The following UGGT2 variants were observed in gnomAD, a reference collection of about 807,000 sequenced individuals.
The protein encoded by UGGT2 is UDP-glucose:glycoprotein glucosyltransferase 2.
A neutral mutation model predicts 192.1 loss-of-function variants in UGGT2; 180 were observed. That is an observed-to-expected ratio of 0.94 (90% confidence interval 0.83 to 1.06). The LOEUF is 1.06. Among genes scored for constraint, UGGT2 ranks in the 50% least tolerant of loss-of-function variants. The pLI, the probability that UGGT2 is intolerant of heterozygous loss-of-function variation, is 0.00. For missense variants in UGGT2, 1,849 were observed against 1,795.7 expected, an observed-to-expected ratio of 1.03 and a Z score of -0.54; for synonymous variants, 580 against 591.0, an observed-to-expected ratio of 0.98 and a Z score of 0.27.
intron 26 of UGGT2, chr13:95,887,174 G>A: frequency 7.6e-6 from 3 of 395,766 alleles, no homozygotes; most frequent in Non-Finnish European, 1.0e-5. Flanking sequence ...TCTTGTGTGT[G>A]TATGCATACA....
intron 27 of UGGT2, among the ~76,000 whole-genome samples, chr13:95,882,076 T>C (rs1490098458): frequency 6.6e-6 from 1 of 151,746 alleles, no homozygotes; most frequent in Non-Finnish European, 1.5e-5. Context: ...GCCCGGCTAA[T>C]TTTTCTATTT....
intron 8 of UGGT2, among the ~76,000 whole-genome samples, chr13:95,988,556 A>G (rs1324602683): frequency 6.6e-6 from 1 of 152,150 alleles, no homozygotes; most frequent in Non-Finnish European, 1.5e-5. Context: ...CTATCAGTTC[A>G]AAGAGGTAGA....
chr13:95,803,667 C>G (rs556047394), intron 38 of UGGT2, among the ~76,000 whole-genome samples: 2 of 152,234 alleles, frequency 1.3e-5, no homozygotes, highest in South Asian at 4.1e-4. Context: ...GACCATACAC[C>G]TAGAAGGAAG....
At chr13:95,915,244 G>A (rs73558663) in intron 20 of UGGT2, among the ~76,000 whole-genome samples, 2,505 of 152,154 alleles carry the variant, frequency 0.016, 71 homozygotes, top group African/African-American at 0.058. Context: ...TCAATGAGGC[G>A]TATCCTGCCA....
intron 12 of UGGT2, among the ~76,000 whole-genome samples, chr13:95,953,179 A>G (rs2050118661): frequency 1.3e-5 from 2 of 152,234 alleles, no homozygotes; most frequent in Admixed American, 6.5e-5. Context: ...AAGATAAATG[A>G]CATTGTTACC....
Position 95,884,592 on chromosome 13 carries a change from G to C in UGGT2, c.3127C>G (p.Pro1043Ala). 4 of 1,613,942 alleles carry C rather than the reference G, an allele frequency of 2.5e-6. No homozygotes were observed. Among genetic ancestry groups the C allele is most frequent in the Non-Finnish European group, 3.4e-6 (4 of 1,179,928 alleles). The change falls in exon 27 of 39, where the codon CCT becomes GCT. Residue 1043 changes from proline to alanine, a missense_variant. Coordinates refer to ENST00000376747, the MANE Select transcript of UGGT2 (RefSeq NM_020121.4). ...TTGAGGATTAGGAGGGGTGATTCAG[G>C]AATATCCAAAAATTTTGCCACTGGT... ...LGPVAKFLDIPESPLLILNMI... is the reference protein window; with the variant it reads ...LGPVAKFLDIAESPLLILNMI...
intron 12 of UGGT2, among the ~76,000 whole-genome samples, chr13:95,957,089 T>C (rs2050232727): frequency 6.6e-6 from 1 of 152,224 alleles, no homozygotes; most frequent in South Asian, 2.1e-4. Flanking sequence ...AAGAATATTG[T>C]ATAATTCCAC....
At chr13:96,000,284 T>C (rs2051757217) in intron 5 of UGGT2, among the ~76,000 whole-genome samples, 1 of 152,234 alleles carries the variant, frequency 6.6e-6, no homozygotes, top group African/African-American at 2.4e-5. Context: ...TAGTGTGTTA[T>C]TCTTTGTATT....
At chr13:95,890,196 A>C (rs1268066993) in intron 25 of UGGT2, among the ~76,000 whole-genome samples, 1 of 152,112 alleles carries the variant, frequency 6.6e-6, no homozygotes, top group African/African-American at 2.4e-5. Flanking sequence ...ATTACACTTT[A>C]AGTTTTATCC....
chr13:95,924,654 T>C (rs946371599), intron 20 of UGGT2, among the ~76,000 whole-genome samples: 1 of 152,090 alleles, frequency 6.6e-6, no homozygotes, highest in Non-Finnish European at 1.5e-5. Flanking sequence ...GTGTAACTTT[T>C]GAGGCTAGAT....
chr13:95,861,877 A>G (rs754628464), intron 31 of UGGT2, among the ~76,000 whole-genome samples: 8 of 151,168 alleles, frequency 5.3e-5, no homozygotes, highest in Non-Finnish European at 8.8e-5. Context: ...TAAGACACAC[A>G]ACACTACGTA....
chr13:95,952,039 T>C (rs534046202), intron 12 of UGGT2, among the ~76,000 whole-genome samples: 43 of 146,616 alleles, frequency 2.9e-4, no homozygotes, highest in Non-Finnish European at 4.5e-4. Context: ...GCCTGGGCAA[T>C]AGAGCGAGAC....
intron 12 of UGGT2, among the ~76,000 whole-genome samples, chr13:95,969,440 T>C (rs927646747): frequency 1.3e-5 from 2 of 152,188 alleles, no homozygotes; most frequent in African/African-American, 2.4e-5. Flanking sequence ...AACATGTAGA[T>C]TTAAAAAACC....
intron 25 of UGGT2, among the ~76,000 whole-genome samples, chr13:95,890,607 C>A (rs961689256): frequency 6.6e-6 from 1 of 152,132 alleles, no homozygotes; most frequent in East Asian, 1.9e-4. Context: ...TTAAAGTTCA[C>A]TGAGACCTAT....
At chr13:95,839,285 TCA>T (rs1317245274) in intron 36 of UGGT2, among the ~76,000 whole-genome samples, 2 of 152,140 alleles carry the variant, frequency 1.3e-5, no homozygotes, top group Non-Finnish European at 2.9e-5. Flanking sequence ...GCTGATTATT[TCA>T]CACACTGTCC....
chr13:95,810,449 A>T (rs991612291), intron 38 of UGGT2, among the ~76,000 whole-genome samples: 2 of 152,214 alleles, frequency 1.3e-5, no homozygotes, highest in Non-Finnish European at 2.9e-5. Context: ...GTGTGCATAC[A>T]TTTATCAATT....
chr13:95,872,476 A>G (rs1891305025), intron 29 of UGGT2, among the ~76,000 whole-genome samples: 2 of 152,226 alleles, frequency 1.3e-5, no homozygotes, highest in Admixed American at 1.3e-4. Context: ...AATATCAATT[A>G]CAATTAAAAC....
At chr13:95,941,391 A>T (rs1426349934) in intron 15 of UGGT2, among the ~76,000 whole-genome samples, 1 of 152,196 alleles carries the variant, frequency 6.6e-6, no homozygotes, top group African/African-American at 2.4e-5. Flanking sequence ...GCAGCAGCAC[A>T]GGTATGTAAT....
At chr13:95,957,176 T>A (rs999000696) in intron 12 of UGGT2, among the ~76,000 whole-genome samples, 2 of 151,944 alleles carry the variant, frequency 1.3e-5, no homozygotes, top group Non-Finnish European at 2.9e-5. Flanking sequence ...GGAAGAAGGG[T>A]ATGGGGATTT....
Sources: allele counts gnomAD v4.1 joint callset (sites outside exome capture counted in the v4.1 genomes callset), GRCh38; gene constraint gnomAD v4.1.1; transcripts MANE v1.5; gene names NCBI Gene and HGNC (gene_info 2026-07-23, HGNC 2026-07-21).